DMD: variants seen among roughly 807,000 people sequenced by gnomAD.
The protein encoded by DMD is mutant dystrophin.
DMD carries 63 observed loss-of-function variants against 330.1 expected under a neutral mutation model. That is an observed-to-expected ratio of 0.19 (90% CI 0.16 to 0.24). The LOEUF (loss-of-function observed/expected upper bound fraction) is 0.24. Among genes scored for constraint, DMD ranks in the 10% least tolerant of loss-of-function variants. DMD has a pLI of 1.00. For missense variants in DMD, 3,344 were observed against 2,684.1 expected (o/e 1.25, Z -5.43); for synonymous variants, 1,223 against 959.8 (o/e 1.27, Z -5.07).
At chrX:32,394,072 G>T (rs1380869122) in intron 30 of DMD, among the ~76,000 whole-genome samples, 1 of 111,035 alleles carries the variant, frequency 9.0e-6, no homozygotes, top group African/African-American at 3.3e-5. Flanking sequence ...AATCAGACTT[G>T]AACATACTTT....
chrX:32,304,200 C>T (rs886659136), intron 42 of DMD, among the ~76,000 whole-genome samples: 10 of 111,132 alleles, frequency 9.0e-5, no homozygotes, highest in Non-Finnish European at 1.7e-4. Context: ...AAAAGGAAAA[C>T]CTCCCCACAA....
At chrX:32,707,930 G>A (rs1006612970) in intron 7 of DMD, among the ~76,000 whole-genome samples, 5 of 112,110 alleles carry the variant, frequency 4.5e-5, no homozygotes, top group African/African-American at 1.6e-4. Flanking sequence ...CTGCTTAAGT[G>A]ATTGTCACCT....
intron 1 of DMD, among the ~76,000 whole-genome samples, chrX:33,275,141 TTAA>T (rs1173369318): frequency 1.4e-4 from 16 of 112,521 alleles, no homozygotes; most frequent in African/African-American, 5.2e-4. Flanking sequence ...GAGATTTCAC[TTAA>T]GCTTTTGTGC....
At chrX:33,291,341 C>T (rs994728511) in intron 1 of DMD, among the ~76,000 whole-genome samples, 5 of 110,898 alleles carry the variant, frequency 4.5e-5, no homozygotes, top group East Asian at 2.8e-4. Context: ...TTTGAAAACC[C>T]GCACAAGACA....
At chrX:32,238,485 CAG>C (rs931918394) in intron 43 of DMD, among the ~76,000 whole-genome samples, 1 of 109,882 alleles carries the variant, frequency 9.1e-6, no homozygotes, top group African/African-American at 3.3e-5. Context: ...AAGAGAGACA[CAG>C]AGAGAGATAG....
At chrX:32,606,633 C>A (rs746471951) in intron 12 of DMD, among the ~76,000 whole-genome samples, 1 of 108,336 alleles carries the variant, frequency 9.2e-6, no homozygotes, top group African/African-American at 3.3e-5. Context: ...GCACTATTTA[C>A]AATAGCAAAG....
chrX:32,536,779 G>T (rs1256864552), intron 17 of DMD, among the ~76,000 whole-genome samples: 1 of 111,621 alleles, frequency 9.0e-6, no homozygotes, highest in East Asian at 2.8e-4. Flanking sequence ...AGGAGCAGAG[G>T]AGAAGGGAGT....
At chrX:31,493,755 C>A (rs2069546747) in intron 57 of DMD, among the ~76,000 whole-genome samples, 1 of 111,929 alleles carries the variant, frequency 8.9e-6, no homozygotes, top group Non-Finnish European at 1.9e-5. Context: ...ATTATTCTGA[C>A]TGAAATGTAG....
chrX:32,673,552 G>T, intron 9 of DMD, among the ~76,000 whole-genome samples: 1 of 111,934 alleles, frequency 8.9e-6, no homozygotes, highest in Admixed American at 9.5e-5. Flanking sequence ...AAGCCAATTT[G>T]TATTTTTACT....
At chrX:32,704,442 G>A (rs1041792760) in intron 7 of DMD, among the ~76,000 whole-genome samples, 2 of 111,794 alleles carry the variant, frequency 1.8e-5, no homozygotes, top group African/African-American at 3.3e-5. Context: ...TTCAAACACC[G>A]CTGGGAAATC....
At chrX:31,530,003 G>C (rs1312395428) in intron 55 of DMD, among the ~76,000 whole-genome samples, 3 of 111,428 alleles carry the variant, frequency 2.7e-5, no homozygotes, top group African/African-American at 9.8e-5. Context: ...GCATCTGTCG[G>C]TAATGCAAAC....
intron 51 of DMD, among the ~76,000 whole-genome samples, chrX:31,759,957 T>C (rs1340306425): frequency 1.8e-5 from 2 of 112,067 alleles, no homozygotes; most frequent in Non-Finnish European, 3.8e-5. Context: ...GATAATGTTC[T>C]CTCAGCTGTG....
intron 52 of DMD, among the ~76,000 whole-genome samples, chrX:31,718,487 AC>A: frequency 9.0e-6 from 1 of 110,839 alleles, no homozygotes; most frequent in Non-Finnish European, 1.9e-5. Flanking sequence ...TGAAGTGCTA[AC>A]CCCCAATGGA....
rs776599303 is a variant in DMD, at chrX:33,112,828, C to T, written c.32-92628G>A. ...ATCGGCCAGGCGCGGTGGCTCGTGC[C>T]TGTAATCCCAGCACTTTGGGAGGCT... On this transcript the variant is annotated intron_variant, in intron 1 of 78. Coordinates refer to ENST00000357033, the MANE Select transcript of DMD (RefSeq NM_004006.3). 2.6e-3 allele frequency among the ~76,000 whole-genome samples: 279 copies of T among 108,592 alleles called. 2 individuals are homozygous for T. The highest frequency in any genetic ancestry group is 8.7e-3 in the African/African-American group (261 of 29,952). 94.3% of individuals were successfully genotyped at this position (108,592 alleles called of 115,157 possible).
At position 32,559,179 on chromosome X, in the gene DMD, C is replaced by G. The variant is rs373718683; in HGVS notation, c.1992+6523G>C. Among the ~76,000 whole-genome samples the G allele has an allele frequency of 5.5e-5, 6 of 108,998 alleles. No individual in the cohort carries two copies. The East Asian group carries it at 1.4e-3, about 26-fold the overall frequency. 94.7% of individuals were successfully genotyped at this position (108,998 alleles called of 115,157 possible). On this transcript the variant is annotated intron_variant, in intron 16 of 78. Coordinates refer to ENST00000357033, the MANE Select transcript of DMD (RefSeq NM_004006.3). ...TGTTGACCAGGCTGGTTTCAAACTC[C>G]TGACCTCAGATGATTTGCCTGCCTT...
intron 9 of DMD, among the ~76,000 whole-genome samples, chrX:32,685,804 G>A (rs2062815794): frequency 9.0e-6 from 1 of 111,442 alleles, no homozygotes; most frequent in South Asian, 3.7e-4. Context: ...TCCTTCCAAA[G>A]ATAGTTTATT....
At chrX:32,686,336 T>C (rs997410088) in intron 9 of DMD, among the ~76,000 whole-genome samples, 6 of 110,214 alleles carry the variant, frequency 5.4e-5, no homozygotes, top group Admixed American at 2.9e-4. Flanking sequence ...GGCGGCTGGA[T>C]CACCTGAGGT....
At chrX:32,742,524 G>A (rs188957773) in intron 7 of DMD, among the ~76,000 whole-genome samples, 81 of 111,679 alleles carry the variant, frequency 7.3e-4, no homozygotes, top group African/African-American at 2.5e-3. Context: ...GTAAGTTTAA[G>A]CTGCTGGGCA....
intron 37 of DMD, among the ~76,000 whole-genome samples, chrX:32,351,353 G>A (rs1268041436): frequency 1.8e-5 from 2 of 110,617 alleles, no homozygotes; most frequent in African/African-American, 6.5e-5. Flanking sequence ...TCATAACATT[G>A]TAATGGTGAA....
Sources: gnomAD v4.1 joint callset for allele counts (sites outside exome capture counted in the v4.1 genomes callset) on GRCh38, gnomAD v4.1.1 for gene constraint, MANE v1.5 for transcripts, NCBI Gene and HGNC (gene_info 2026-07-23, HGNC 2026-07-21) for gene names.